DENND1B: variants seen among roughly 807,000 people sequenced by gnomAD.
DENND1B encodes the protein DENN domain-containing protein 1B.
Under a neutral mutation model 90.1 loss-of-function variants are expected in DENND1B, and 59 were observed. That is an observed-to-expected ratio of 0.65 (90% CI 0.53 to 0.81). The LOEUF (loss-of-function observed/expected upper bound fraction) is 0.81, where lower values mean the gene tolerates loss of function less well. Among genes scored for constraint, DENND1B ranks in the 40% least tolerant of loss-of-function variants. The probability of loss-of-function intolerance (pLI) is 0.00; values close to 1 mark genes in which losing one functional copy is unlikely to be tolerated. For missense variants in DENND1B, 862 were observed against 912.6 expected (o/e 0.94, Z 0.71); for synonymous variants, 337 against 324.6 (o/e 1.04, Z -0.41).
At chr1:197,766,233 T>G (rs1403364520) in intron 2 of DENND1B, among the ~76,000 whole-genome samples, 1 of 152,192 alleles carries the variant, frequency 6.6e-6, no homozygotes, top group African/African-American at 2.4e-5. Context: ...CCATGCCTGG[T>G]CACAGTTTCA....
intron 13 of DENND1B, 138 bp downstream of exon 13, chr1:197,606,935 C>A: frequency 4.8e-6 from 3 of 629,422 alleles, no homozygotes; most frequent in South Asian, 2.0e-5. Context: ...AATATAGAAT[C>A]AACATTGATT....
chr1:197,735,415 T>G, intron 2 of DENND1B: 1 of 1,428,270 alleles, frequency 7.0e-7, no homozygotes, highest in South Asian at 1.5e-5. Context: ...GAATTCACTG[T>G]TAAAAAAAAA....
intron 20 of DENND1B, among the ~76,000 whole-genome samples, chr1:197,535,122 C>T (rs1669780887): frequency 6.6e-6 from 1 of 152,194 alleles, no homozygotes; most frequent in Non-Finnish European, 1.5e-5. Context: ...TCATTTCCAC[C>T]TGTAGCCTTT....
At chr1:197,519,347 A>T (rs1184580432) in intron 20 of DENND1B, among the ~76,000 whole-genome samples, 2 of 151,968 alleles carry the variant, frequency 1.3e-5, no homozygotes, top group Non-Finnish European at 2.9e-5. Context: ...TGAACTGATA[A>T]GAAAAACATA....
chr1:197,777,745 A>G (rs1423593451), upstream of DENND1B, among the ~76,000 whole-genome samples: 1 of 152,206 alleles, frequency 6.6e-6, no homozygotes, highest in Admixed American at 6.5e-5. Flanking sequence ...GTCAAAGAAC[A>G]TAGTCTGTAT....
At chr1:197,607,226 G>C (rs1676766543) in intron 12 of DENND1B, 52 bp from the exon 13 acceptor site, 1 of 1,233,814 alleles carries the variant, frequency 8.1e-7, no homozygotes, top group Non-Finnish European at 1.1e-6. Context: ...ACTTTACAAA[G>C]TTATGATGAG....
At position 197,511,971 on chromosome 1, in the gene DENND1B, T is replaced by A. The variant is rs749103831; in HGVS notation, c.1599-27A>T. 5.8e-6 allele frequency: 9 copies of A among 1,557,636 alleles called. No individual in the cohort carries two copies. In the South Asian group the frequency reaches 9.4e-5, roughly 16 times the overall value. The stretch of plus-strand genomic sequence containing the variant: ...TGAAGAAAAATAAAACACGCAGTAG[T>A]AGGTAAATAACCATATTTGCTGCAT... On this transcript the variant is annotated intron_variant, in intron 21 of 22. Transcript: ENST00000620048.
rs1163290916 is a variant in DENND1B, at chr1:197,636,785, TGAA to T, written c.672+5923_672+5925del. Among the ~76,000 whole-genome samples the T allele has an allele frequency of 2.0e-5, 3 of 152,260 alleles. No homozygotes were observed. In the East Asian group the frequency reaches 5.8e-4, roughly 29 times the overall value. On this transcript the variant is annotated intron_variant, in intron 10 of 22. Coordinates refer to ENST00000620048, the MANE Select transcript of DENND1B (RefSeq NM_001195215.2). ...CTGCTGAACTAAGACAGTGGGCAGT[TGAA>T]GAACAGGAATCGGAGAAGAAAAGAT... is the stretch of plus-strand genomic sequence containing the variant.
At chr1:197,676,852 T>C (rs1399918258) in intron 3 of DENND1B, among the ~76,000 whole-genome samples, 2 of 152,126 alleles carry the variant, frequency 1.3e-5, no homozygotes, top group African/African-American at 2.4e-5. Context: ...TCTCTAGTAA[T>C]AAGCATTACA....
chr1:197,553,234 T>G (rs1336763924), intron 15 of DENND1B, 122 bp from the exon 16 acceptor site: 1 of 738,832 alleles, frequency 1.4e-6, no homozygotes, highest in African/African-American at 1.8e-5. Flanking sequence ...CAGACTCTTG[T>G]ATAAATTACA....
At chr1:197,514,359 C>T (rs532024934) in intron 20 of DENND1B, among the ~76,000 whole-genome samples, 88 of 151,598 alleles carry the variant, frequency 5.8e-4, no homozygotes, top group African/African-American at 1.9e-3. Context: ...TCTCTAAAGG[C>T]AAGTCATGAG....
At chr1:197,779,471 T>C (rs1657377174), upstream of DENND1B, among the ~76,000 whole-genome samples, 1 of 152,136 alleles carries the variant, frequency 6.6e-6, no homozygotes, top group African/African-American at 2.4e-5. Context: ...TTCTGGAAAA[T>C]TCTGGACTCC....
intron 6 of DENND1B, among the ~76,000 whole-genome samples, chr1:197,657,021 A>G (rs1489756337): frequency 2.0e-5 from 3 of 152,186 alleles, no homozygotes; most frequent in Non-Finnish European, 4.4e-5. Context: ...TTTCTTGGAT[A>G]TGACACCAAA....
rs144407285 is a variant in DENND1B at position 197,513,091 on chromosome 1, A to G, written c.1516-138T>C. 187 of 630,834 alleles carry G rather than the reference A, an allele frequency of 3.0e-4. No individual in the cohort carries two copies. In the East Asian group the frequency reaches 5.0e-3, roughly 17 times the overall value. 39.1% of individuals were successfully genotyped at this position (630,834 alleles called of 1,614,324 possible). Reference sequence around the variant, plus strand: ...ATTCAGGGTTTTTGAATATTATCCAATAACTTGACAAACTGGGACAGGAAG... The same window carrying G: ...ATTCAGGGTTTTTGAATATTATCCAGTAACTTGACAAACTGGGACAGGAAG... On this transcript the variant is annotated intron_variant, in intron 20 of 22. Coordinates refer to ENST00000620048, the MANE Select transcript of DENND1B (RefSeq NM_001195215.2).
rs1177724566 is a variant in DENND1B, at chr1:197,506,297, T to G, written c.*4163A>C. 1 of 151,522 alleles carries G rather than the reference T, an allele frequency of 6.6e-6. No homozygotes were observed. The highest frequency in any genetic ancestry group is 1.5e-5 in the Non-Finnish European group (1 of 67,602). 9.4% of individuals were successfully genotyped at this position (151,522 alleles called of 1,614,324 possible). A position where few individuals can be genotyped will look rare whatever the true frequency, so the allele number is the denominator to read the frequency against. ...CGTTAACTGACTTGCTCAAAACCACTCTGCCTCTTAAATAAGGTGTAACAA... is the reference window on the plus strand; with the variant it reads ...CGTTAACTGACTTGCTCAAAACCACGCTGCCTCTTAAATAAGGTGTAACAA... On this transcript the variant is annotated 3_prime_UTR_variant, in exon 23 of 23. Coordinates refer to ENST00000620048, the MANE Select transcript of DENND1B (RefSeq NM_001195215.2).
chr1:197,653,073 T>C (rs1050973104), intron 6 of DENND1B, among the ~76,000 whole-genome samples: 7 of 152,118 alleles, frequency 4.6e-5, no homozygotes, highest in East Asian at 1.9e-4. Context: ...ATACGAGATA[T>C]AGACTTCTCA....
intron 2 of DENND1B, among the ~76,000 whole-genome samples, chr1:197,757,814 CTTAG>C (rs1558487864): frequency 6.6e-6 from 1 of 152,134 alleles, no homozygotes. Flanking sequence ...AGTTGCAATA[CTTAG>C]TATTTGTTTA....
chr1:197,762,888 G>A (rs1655264731), intron 2 of DENND1B, among the ~76,000 whole-genome samples: 1 of 152,062 alleles, frequency 6.6e-6, no homozygotes, highest in Admixed American at 6.5e-5. Context: ...TATCTCCCCC[G>A]TTGTAAGGCT....
intron 2 of DENND1B, among the ~76,000 whole-genome samples, chr1:197,770,325 T>C (rs1045578085): frequency 1.3e-5 from 2 of 151,902 alleles, no homozygotes; most frequent in Non-Finnish European, 2.9e-5. Context: ...GTGATTTAAA[T>C]AACAACAGCA....
Sources: gnomAD v4.1 joint callset for allele counts (sites outside exome capture counted in the v4.1 genomes callset) on GRCh38, gnomAD v4.1.1 for gene constraint, MANE v1.5 for transcripts, NCBI Gene and HGNC (gene_info 2026-07-23, HGNC 2026-07-21) for gene names.